The following CDH4 variants were observed in gnomAD, a reference collection of about 807,000 sequenced individuals.
CDH4 encodes cadherin 4, also known as cadherin-4.
In CDH4, 33 loss-of-function variants were observed where a neutral mutation model predicts 86.0. The ratio of observed to expected loss-of-function variants is 0.38; its 90% CI spans 0.29 to 0.51. The LOEUF (loss-of-function observed/expected upper bound fraction) is 0.51, where lower values mean the gene tolerates loss of function less well. CDH4 is among the 20% of genes least tolerant of loss of function. The pLI, the probability that CDH4 is intolerant of heterozygous loss-of-function variation, is 0.86. For synonymous variants in CDH4, 555 were observed against 549.4 expected (o/e 1.01, Z -0.14); for missense variants, 1,114 against 1,307.4 (o/e 0.85, Z 2.28).
chr20:61,549,203 C>T (rs1044126179), intron 2 of CDH4, among the ~76,000 whole-genome samples: 2 of 152,098 alleles, frequency 1.3e-5, no homozygotes, highest in Admixed American at 1.3e-4. Flanking sequence ...CCTTCTGACC[C>T]CAAGGTTGAA....
chr20:61,693,276 G>C (rs1369836186), intron 2 of CDH4, among the ~76,000 whole-genome samples: 1 of 146,040 alleles, frequency 6.8e-6, no homozygotes, highest in Non-Finnish European at 1.5e-5. Context: ...CTGTTCCTGG[G>C]CTGTGCTGCC....
intron 2 of CDH4, among the ~76,000 whole-genome samples, chr20:61,617,736 G>T (rs1387814139): frequency 6.6e-6 from 1 of 152,176 alleles, no homozygotes; most frequent in East Asian, 1.9e-4. Flanking sequence ...TTTAGAGAGG[G>T]ATACCTGTGA....
intron 2 of CDH4, among the ~76,000 whole-genome samples, chr20:61,391,122 C>T (rs571711257): frequency 9.9e-5 from 15 of 152,198 alleles, no homozygotes; most frequent in African/African-American, 3.1e-4. Context: ...AAGGTCTGCA[C>T]GCAGCCTCAG....
At chr20:61,903,439 C>T (rs1429582986) in intron 8 of CDH4, among the ~76,000 whole-genome samples, 6 of 146,888 alleles carry the variant, frequency 4.1e-5, no homozygotes, top group Non-Finnish European at 8.9e-5. Context: ...CAGCTACTCA[C>T]GAGGCTGAGG....
rs1024274069 is a variant in CDH4, at chr20:61,930,632, A to G, written c.2239+790A>G. On this transcript the variant is annotated intron_variant, in intron 13 of 15. Transcript: ENST00000614565. ...TGGCCTGCGGCTGACTTGAGACCCC[A>G]GGGACCAACCTGAGCCCTGTCCAAA... 6.6e-5 allele frequency among the ~76,000 whole-genome samples: 10 copies of G among 152,322 alleles called. No individual in the cohort carries two copies. The East Asian group carries it at 1.9e-3, about 29-fold the overall frequency.
At chr20:61,428,689 G>A (rs550642372) in intron 2 of CDH4, among the ~76,000 whole-genome samples, 1 of 152,338 alleles carries the variant, frequency 6.6e-6, no homozygotes, top group South Asian at 2.1e-4. Flanking sequence ...TGGTCCATGT[G>A]ATGTTCTCTT....
chr20:61,622,726 G>A (rs2086788382), intron 2 of CDH4, among the ~76,000 whole-genome samples: 2 of 152,226 alleles, frequency 1.3e-5, no homozygotes, highest in Non-Finnish European at 2.9e-5. Flanking sequence ...CCTGTGCATT[G>A]TGGGGTACTT....
Position 61,750,059 on chromosome 20 carries a change from A to C in CDH4, c.396+6270A>C, listed in dbSNP as rs189108188. 7.4e-3 allele frequency among the ~76,000 whole-genome samples: 1,114 copies of C among 151,442 alleles called. 15 individuals carry two copies. Among genetic ancestry groups the C allele is most frequent in the African/African-American group, 0.026 (1,069 of 41,332 alleles). The stretch of plus-strand genomic sequence containing the variant: ...CTGGGCAACACAGCAAGACCCTATC[A>C]AAAAAAAAGGGCAGAAAATCAACAA... On this transcript the variant is annotated intron_variant, in intron 3 of 15. Transcript: ENST00000614565.
intron 2 of CDH4, among the ~76,000 whole-genome samples, chr20:61,650,473 G>A (rs1320298597): frequency 2.0e-5 from 3 of 152,216 alleles, no homozygotes; most frequent in Admixed American, 6.5e-5. Context: ...ATCTGGAAGC[G>A]TGGGTAAATG....
intron 2 of CDH4, among the ~76,000 whole-genome samples, chr20:61,565,720 T>C (rs1036672374): frequency 5.9e-5 from 9 of 152,102 alleles, no homozygotes; most frequent in African/African-American, 2.2e-4. Context: ...AGTGCCAAGA[T>C]ACACAATGCA....
intron 8 of CDH4, among the ~76,000 whole-genome samples, chr20:61,895,677 G>T (rs1319528803): frequency 6.6e-6 from 1 of 152,196 alleles, no homozygotes; most frequent in Non-Finnish European, 1.5e-5. Context: ...CACCAGGAGG[G>T]ACCCTTCCCT....
rs1488825533 is a variant in CDH4, at chr20:61,923,439, C to T, written c.1375-12C>T. On this transcript the variant is annotated splice_polypyrimidine_tract_variant and intron_variant, in intron 9 of 15. Coordinates refer to ENST00000614565, the MANE Select transcript of CDH4 (RefSeq NM_001794.5). ...GTGCCAGGTCACTCCCAGCCCTGAT[C>T]TGTTGTTCCAGGCAGTCGACTACGA... is the stretch of plus-strand genomic sequence containing the variant. The T allele has an allele frequency of 1.2e-6, 2 of 1,613,576 alleles. No individual in the cohort carries two copies. The highest frequency in any genetic ancestry group is 2.7e-5 in the African/African-American group (2 of 74,944).
chr20:61,453,127 G>A (rs903286661), intron 2 of CDH4, among the ~76,000 whole-genome samples: 1 of 152,028 alleles, frequency 6.6e-6, no homozygotes, highest in Non-Finnish European at 1.5e-5. Context: ...TTGAAAGGAA[G>A]GGGAAAAAAG....
At chr20:61,727,130 C>A (rs1020620204) in intron 2 of CDH4, among the ~76,000 whole-genome samples, 5 of 151,008 alleles carry the variant, frequency 3.3e-5, no homozygotes, top group Non-Finnish European at 7.4e-5. Flanking sequence ...ATCATCATCA[C>A]CATCAGAGCC....
chr20:61,391,065 G>C (rs940691472), intron 2 of CDH4, among the ~76,000 whole-genome samples: 1 of 152,190 alleles, frequency 6.6e-6, no homozygotes, highest in Admixed American at 6.5e-5. Flanking sequence ...CACTGCTCCT[G>C]TCTGCTTCTT....
At chr20:61,737,862 G>A (rs984590502) in intron 2 of CDH4, among the ~76,000 whole-genome samples, 18 of 152,182 alleles carry the variant, frequency 1.2e-4, no homozygotes, top group Non-Finnish European at 2.5e-4. Context: ...AGGGACCACC[G>A]TTCCTCAAGG....
intron 8 of CDH4, among the ~76,000 whole-genome samples, chr20:61,901,067 G>A (rs1985374030): frequency 6.6e-6 from 1 of 152,198 alleles, no homozygotes; most frequent in African/African-American, 2.4e-5. Flanking sequence ...GTAAGAAGAT[G>A]GGTCAACCTC....
At chr20:61,833,335 C>T (rs1981714154) in intron 4 of CDH4, among the ~76,000 whole-genome samples, 1 of 152,044 alleles carries the variant, frequency 6.6e-6, no homozygotes, top group Non-Finnish European at 1.5e-5. Context: ...ATTTATTGCC[C>T]CTTGTCCCTT....
chr20:61,493,293 A>G (rs553839694), intron 2 of CDH4, among the ~76,000 whole-genome samples: 98 of 152,110 alleles, frequency 6.4e-4, no homozygotes, highest in African/African-American at 2.2e-3. Flanking sequence ...TGTTTCCATC[A>G]TATGTGAAGC....
Sources: gnomAD v4.1 joint callset for allele counts (sites outside exome capture counted in the v4.1 genomes callset) on GRCh38, gnomAD v4.1.1 for gene constraint, MANE v1.5 for transcripts, NCBI Gene and HGNC (gene_info 2026-07-23, HGNC 2026-07-21) for gene names.